The following CD209 variants were observed in gnomAD, a reference collection of about 807,000 sequenced individuals.
The protein encoded by CD209 is CD209 antigen.
In CD209, 31 loss-of-function variants were observed where a neutral mutation model predicts 44.7. The observed-to-expected ratio is 0.69, with a 90% CI of 0.52 to 0.94. The LOEUF is 0.94. Among genes scored for constraint, CD209 ranks in the 40% least tolerant of loss-of-function variants. The probability of loss-of-function intolerance (pLI) is 0.00; values close to 1 mark genes in which losing one functional copy is unlikely to be tolerated. For synonymous variants in CD209, 173 were observed against 181.3 expected (o/e 0.95, Z 0.37); for missense variants, 407 against 452.4 (o/e 0.90, Z 0.91).
At chr19:7,744,241 A>G in intron 5 of CD209, 22 bp from the exon 6 acceptor site, 1 of 1,559,014 alleles carries the variant, frequency 6.4e-7, no homozygotes, top group Non-Finnish European at 8.8e-7. Context: ...AGGAGGAGTC[A>G]GGAGGGAGCT....
At position 7,741,982 on chromosome 19, in the gene CD209, T is replaced by A. The variant is rs1544767; in HGVS notation, c.*1057A>T. Reference sequence around the variant, plus strand: ...AGAGCCAGGAGAGGCACAATTCACCTAGCAGAGGAAGAAATAGTGACCGCA... The same window carrying A: ...AGAGCCAGGAGAGGCACAATTCACCAAGCAGAGGAAGAAATAGTGACCGCA... On this transcript the variant is annotated 3_prime_UTR_variant, in exon 7 of 7. Coordinates refer to ENST00000315599, the MANE Select transcript of CD209 (RefSeq NM_021155.4). The A allele has an allele frequency of 0.95, 332,732 of 348,674 alleles. 159,749 individuals carry two copies. Among genetic ancestry groups the A allele is most frequent in the Non-Finnish European group, 1 (171,582 of 171,782 alleles). 21.6% of individuals were successfully genotyped at this position (348,674 alleles called of 1,614,324 possible).
At chr19:7,746,370 C>T (rs1012807044) in intron 3 of CD209, 90 bp downstream of exon 3, 42 of 1,432,642 alleles carry the variant, frequency 2.9e-5, no homozygotes, top group Non-Finnish European at 4.0e-5. Flanking sequence ...CTCTCAGTCC[C>T]ACCTCCCTCC....
Position 7,745,542 on chromosome 19 carries a change from G to C in CD209, c.724C>G (p.Leu242Val), listed in dbSNP as rs11465380. The change falls in exon 4 of 7, where the codon CTG (leucine) becomes GTG (valine). Residue 242 changes from leucine (L) to valine (V), a missense_variant. By Grantham distance (32) the Leu-to-Val change is conservative. Coordinates refer to ENST00000315599, the MANE Select transcript of CD209 (RefSeq NM_021155.4). The part of the protein sequence containing the change: ...KSKQQEIYQE[L>V]TQLKAAVERL... Reference sequence around the variant, plus strand: ...CCCACTGCAGCCTTCAGCTGGGTCAGCTCCTGGTAGATCTCCTGCTGCTTA... The same window carrying C: ...CCCACTGCAGCCTTCAGCTGGGTCACCTCCTGGTAGATCTCCTGCTGCTTA... 2,288 of 1,608,966 alleles carry C rather than the reference G, an allele frequency of 1.4e-3. 42 individuals are homozygous for C. The African/African-American group carries it at 0.026, about 18-fold the overall frequency.
chr19:7,746,156 C>T, intron 3 of CD209, 69 bp from the exon 4 acceptor site: 4 of 1,583,682 alleles, frequency 2.5e-6, no homozygotes, highest in South Asian at 1.1e-5. Context: ...GAACTGAGCC[C>T]CATAGGGACA....
rs11465418 is a variant in CD209 at position 7,740,469 on chromosome 19, G to C, written c.*2570C>G. The C allele has an allele frequency of 1.2e-3, 990 of 849,032 alleles. 8 individuals are homozygous for C. The African/African-American group carries it at 0.015, about 13-fold the overall frequency. 52.6% of individuals were successfully genotyped at this position (849,032 alleles called of 1,614,324 possible). A position where few individuals can be genotyped will look rare whatever the true frequency, so the allele number is the denominator to read the frequency against. ...CGGTGCCGGCAAGATGGCTGCGCCC[G>C]AAAAGGTGACATTTCCAGAGAAACC... On this transcript the variant is annotated 3_prime_UTR_variant, in exon 7 of 7. Transcript: ENST00000315599.
chr19:7,743,752 G>A (rs1247232308), intron 6 of CD209, among the ~76,000 whole-genome samples: 2 of 152,126 alleles, frequency 1.3e-5, no homozygotes, highest in East Asian at 3.8e-4. Flanking sequence ...TTCCCCAGGT[G>A]GCCCCCAGCT....
chr19:7,747,228 C>A (rs1167552479), intron 2 of CD209, 78 bp downstream of exon 2: 1 of 1,463,090 alleles, frequency 6.8e-7, no homozygotes, highest in East Asian at 2.3e-5. Flanking sequence ...AGAGTCCAGG[C>A]CCCAGCGTCC....
chr19:7,744,114 A>G lies in CD209; in HGVS notation c.1006T>C (p.Leu336=), dbSNP rs780634236. The change falls in exon 6 of 7, where the codon TTG becomes CTG. Residue 336 remains leucine, a synonymous_variant. Transcript: ENST00000315599. ...GCCCCTTCTGAGATCTACCTGGGCAACAGAGGTGAGCCGTCCACCCATTGC... is the reference window on the plus strand; with the variant it reads ...GCCCCTTCTGAGATCTACCTGGGCAGCAGAGGTGAGCCGTCCACCCATTGC... ...TWQWVDGSPL[L]PSFKQYWNRG... is the part of the protein sequence containing the mutation. 17 of 1,613,102 alleles carry G rather than the reference A, an allele frequency of 1.1e-5. No individual in the cohort carries two copies. Among genetic ancestry groups the G allele is most frequent in the Non-Finnish European group, 1.4e-5 (16 of 1,179,052 alleles).
chr19:7,740,430 C>A lies in CD209; in HGVS notation c.*2609G>T. ...TACCAGTTTATTATAAAGGATACAA[C>A]TAGAGGGGCGGGGCGGTGCCGGCAA... On this transcript the variant is annotated 3_prime_UTR_variant, in exon 7 of 7. Transcript: ENST00000315599. 1 of 687,132 alleles carries A rather than the reference C, an allele frequency of 1.5e-6. No homozygotes were observed. The highest frequency in any genetic ancestry group is 2.7e-6 in the Non-Finnish European group (1 of 375,870). The allele number at this position is 687,132 out of a possible 1,614,324, so 42.6% of individuals were successfully genotyped here.
Position 7,742,852 on chromosome 19 carries a change from T to G in CD209, c.*187A>C, listed in dbSNP as rs1267139276. ...AAGGCATCCCACACCAGCTCACTCATAAAGCTCCAAGGATGGGCCAGAAAA... is the reference window on the plus strand; with the variant it reads ...AAGGCATCCCACACCAGCTCACTCAGAAAGCTCCAAGGATGGGCCAGAAAA... On this transcript the variant is annotated 3_prime_UTR_variant, in exon 7 of 7. Coordinates refer to ENST00000315599, the MANE Select transcript of CD209 (RefSeq NM_021155.4). 1.6e-6 allele frequency: 1 copy of G among 606,352 alleles called. No homozygotes were observed. Among genetic ancestry groups the G allele is most frequent in the Non-Finnish European group, 2.9e-6 (1 of 342,234 alleles). The allele number at this position is 606,352 out of a possible 1,614,324, so 37.6% of individuals were successfully genotyped here.
chr19:7,744,341 C>CCTT, intron 5 of CD209, 122 bp from the exon 6 acceptor site: 1 of 704,102 alleles, frequency 1.4e-6, no homozygotes, highest in African/African-American at 1.8e-5. Flanking sequence ...TATACTAGGT[C>CCTT]CTGAGCCCCC....
rs1483604221 is a variant in CD209, at chr19:7,741,730, A to G, written c.*1309T>C. ...TGATTTGTGGTTTATTTGAAATACA[A>G]CAATGTCCAAGAGGAAAACACTGCA... On this transcript the variant is annotated 3_prime_UTR_variant, in exon 7 of 7. Coordinates refer to ENST00000315599, the MANE Select transcript of CD209 (RefSeq NM_021155.4). The G allele has an allele frequency of 4.8e-6, 3 of 626,976 alleles. No individual in the cohort carries two copies. The highest frequency in any genetic ancestry group is 4.2e-5 in the South Asian group (3 of 71,522). The allele number at this position is 626,976 out of a possible 1,614,324, so 38.8% of individuals were successfully genotyped here.
intron 4 of CD209, 144 bp from the exon 5 acceptor site, chr19:7,745,236 C>A (rs1379353554): frequency 1.7e-6 from 2 of 1,210,106 alleles, no homozygotes; most frequent in African/African-American, 3.0e-5. Flanking sequence ...CTTCCCGAGA[C>A]CCTCCCCCAT....
intron 4 of CD209, 152 bp from the exon 5 acceptor site, chr19:7,745,244 C>G: frequency 1.7e-6 from 2 of 1,197,772 alleles, no homozygotes; most frequent in South Asian, 1.5e-5. Flanking sequence ...GACCCTCCCC[C>G]ATCCCCATGA....
chr19:7,743,391 C>G, intron 6 of CD209, 151 bp from the exon 7 acceptor site: 1 of 716,820 alleles, frequency 1.4e-6, no homozygotes, highest in Non-Finnish European at 2.4e-6. Flanking sequence ...GCCTGACTCA[C>G]GATGCCTTGA....
intron 2 of CD209, 122 bp downstream of exon 2, chr19:7,747,184 G>T (rs1599485876): frequency 1.0e-6 from 1 of 1,001,598 alleles, no homozygotes; most frequent in East Asian, 2.4e-5. Flanking sequence ...GGTCCCAGGA[G>T]TCCAGGCCCC....
rs1475056753 is a variant in CD209 at position 7,744,923 on chromosome 19, G to C, written c.900+18C>G. ...AAGCCATGCCCTAGGCCAGGACGGG[G>C]ACCCCCACCAGGTGTACCTGCTCCT... On this transcript the variant is annotated intron_variant, in intron 5 of 6. Transcript: ENST00000315599. 1 of 1,613,858 alleles carries C rather than the reference G, an allele frequency of 6.2e-7. No individual in the cohort carries two copies. The highest frequency in any genetic ancestry group is 2.2e-5 in the East Asian group (1 of 44,884).
Position 7,740,179 on chromosome 19 carries a change from A to C in CD209, c.*2860T>G. ...ATCTGACTGGATCACGCCAGGGCTC[A>C]ATCTGATTGGATCAAGGATCATGCC... On this transcript the variant is annotated 3_prime_UTR_variant, in exon 7 of 7. Coordinates refer to ENST00000315599, the MANE Select transcript of CD209 (RefSeq NM_021155.4). The C allele has an allele frequency of 3.7e-6, 1 of 272,246 alleles. No homozygotes were observed. The highest frequency in any genetic ancestry group is 9.5e-5 in the East Asian group (1 of 10,510). The allele number at this position is 272,246 out of a possible 1,614,324, so 16.9% of individuals were successfully genotyped here. A position where few individuals can be genotyped will look rare whatever the true frequency, so the allele number is the denominator to read the frequency against.
chr19:7,743,570 T>TCATTC (rs1250292767), intron 6 of CD209, among the ~76,000 whole-genome samples: 1 of 152,118 alleles, frequency 6.6e-6, no homozygotes, highest in Non-Finnish European at 1.5e-5. Context: ...AGGCCAGGTG[T>TCATTC]CAGACAGCGA....
Sources: allele counts gnomAD v4.1 joint callset (sites outside exome capture counted in the v4.1 genomes callset), GRCh38; gene constraint gnomAD v4.1.1; transcripts MANE v1.5; gene names NCBI Gene and HGNC (gene_info 2026-07-23, HGNC 2026-07-21).